TAFA5: variants seen among roughly 807,000 people sequenced by gnomAD.
TAFA5 encodes chemokine-like protein TAFA-5.
Under a neutral mutation model 15.3 loss-of-function variants are expected in TAFA5, and 6 were observed. The ratio of observed to expected loss-of-function variants is 0.39; its 90% CI spans 0.21 to 0.77. The LOEUF (loss-of-function observed/expected upper bound fraction) is 0.77, where lower values mean the gene tolerates loss of function less well. Among genes scored for constraint, TAFA5 ranks in the 30% least tolerant of loss-of-function variants. TAFA5 has a pLI of 0.41. For missense variants in TAFA5, 161 were observed against 193.1 expected (o/e 0.83, Z 0.98); for synonymous variants, 103 against 80.7 (o/e 1.28, Z -1.48).
intron 1 of TAFA5, among the ~76,000 whole-genome samples, chr22:48,496,028 G>A (rs1308154755): frequency 2.0e-5 from 3 of 152,202 alleles, no homozygotes; most frequent in African/African-American, 4.8e-5. Context: ...CCTATCGCCC[G>A]TGAAGGCCCG....
intron 2 of TAFA5, among the ~76,000 whole-genome samples, chr22:48,695,632 G>A (rs545042239): frequency 1.3e-5 from 2 of 152,326 alleles, no homozygotes; most frequent in South Asian, 4.1e-4. Flanking sequence ...GTCAGACCAA[G>A]GAACAGTCCT....
chr22:48,689,681 C>T (rs1367967998), intron 2 of TAFA5, among the ~76,000 whole-genome samples: 1 of 145,956 alleles, frequency 6.9e-6, no homozygotes, highest in Non-Finnish European at 1.5e-5. Context: ...GCCTGTCCCC[C>T]ACCCACTCAC....
chr22:48,529,363 G>A (rs1233798070), intron 1 of TAFA5, among the ~76,000 whole-genome samples: 3 of 126,516 alleles, frequency 2.4e-5, no homozygotes, highest in Non-Finnish European at 5.0e-5. Flanking sequence ...AGGGTGTCAG[G>A]CGGGAGATGG....
At chr22:48,682,960 C>T (rs559638278) in intron 2 of TAFA5, among the ~76,000 whole-genome samples, 13 of 152,334 alleles carry the variant, frequency 8.5e-5, no homozygotes, top group Middle Eastern at 6.8e-3. Context: ...TTGTCTTGAC[C>T]ACACCTAAAT....
intron 1 of TAFA5, among the ~76,000 whole-genome samples, chr22:48,539,843 A>G (rs1477700813): frequency 6.6e-6 from 1 of 152,224 alleles, no homozygotes; most frequent in Non-Finnish European, 1.5e-5. Flanking sequence ...AAGGAGCCAG[A>G]TGGGAAACTT....
chr22:48,544,880 A>G, intron 1 of TAFA5: 1 of 470,546 alleles, frequency 2.1e-6, no homozygotes, highest in Non-Finnish European at 4.4e-6. Context: ...AGTAAGCCAG[A>G]CTCGGGGCTG....
intron 1 of TAFA5, among the ~76,000 whole-genome samples, chr22:48,575,960 A>AGAG (rs927013071): frequency 7.5e-6 from 1 of 133,152 alleles, no homozygotes; most frequent in Non-Finnish European, 1.6e-5. Context: ...CGGCGGAGGA[A>AGAG]GAGGAGGAGG....
chr22:48,596,930 C>T (rs970626158), intron 1 of TAFA5, among the ~76,000 whole-genome samples: 2 of 152,218 alleles, frequency 1.3e-5, no homozygotes, highest in Admixed American at 6.5e-5. Context: ...GCTCAAGCCT[C>T]CTGAGTAGCT....
intron 2 of TAFA5, among the ~76,000 whole-genome samples, chr22:48,660,883 C>T (rs1009848541): frequency 1.1e-4 from 16 of 152,130 alleles, no homozygotes; most frequent in African/African-American, 2.9e-4. Context: ...CACCCCGATC[C>T]GTGCCTACAG....
intron 1 of TAFA5, among the ~76,000 whole-genome samples, chr22:48,507,308 T>C (rs1440791123): frequency 1.4e-5 from 2 of 143,672 alleles, no homozygotes; most frequent in Non-Finnish European, 3.0e-5. Flanking sequence ...GTTGGAGGAG[T>C]GGCCGGCCGG....
At chr22:48,592,731 A>T (rs1245293046) in intron 1 of TAFA5, among the ~76,000 whole-genome samples, 1 of 151,658 alleles carries the variant, frequency 6.6e-6, no homozygotes, top group Non-Finnish European at 1.5e-5. Flanking sequence ...TCCTGCTCAG[A>T]GGCCTGAGCC....
rs1921940607 is a variant in TAFA5 at position 48,530,673 on chromosome 22, G to A, written c.112+40969G>A. 6.6e-6 allele frequency among the ~76,000 whole-genome samples: 1 copy of A among 151,998 alleles called. No individual in the cohort carries two copies. Among genetic ancestry groups the A allele is most frequent in the Non-Finnish European group, 1.5e-5 (1 of 68,008 alleles). ...CCTCCAATGGGCTCCCGTCTTTCCT[G>A]TCCAACTGTCCATGTCACATGGGAC... On this transcript the variant is annotated intron_variant, in intron 1 of 3. Transcript: ENST00000402357. The surrounding 1 kb of genome is among the most constrained non-coding windows in gnomAD (Gnocchi z 6.0).
chr22:48,535,552 C>T (rs58407588), intron 1 of TAFA5, among the ~76,000 whole-genome samples: 381 of 152,338 alleles, frequency 2.5e-3, no homozygotes, highest in African/African-American at 8.7e-3. Context: ...CCTTTGTGTG[C>T]GCACAAGCTG....
intron 2 of TAFA5, among the ~76,000 whole-genome samples, chr22:48,685,493 T>G (rs1299595728): frequency 6.6e-6 from 1 of 152,218 alleles, no homozygotes; most frequent in Non-Finnish European, 1.5e-5. Context: ...ATGTGTCATG[T>G]GATGCTGCAC....
intron 1 of TAFA5, among the ~76,000 whole-genome samples, chr22:48,599,511 A>G (rs916878202): frequency 2.0e-5 from 3 of 152,250 alleles, no homozygotes; most frequent in African/African-American, 7.2e-5. Flanking sequence ...GATCAGACTC[A>G]GCATGGCACA....
chr22:48,579,517 C>T (rs146270678), intron 1 of TAFA5, among the ~76,000 whole-genome samples: 117 of 152,342 alleles, frequency 7.7e-4, no homozygotes, highest in African/African-American at 2.7e-3. Flanking sequence ...CGGCCGCTTC[C>T]TTAGGGTGCA....
intron 3 of TAFA5, among the ~76,000 whole-genome samples, chr22:48,745,820 G>A (rs1432817383): frequency 1.3e-5 from 2 of 152,206 alleles, no homozygotes; most frequent in Admixed American, 6.5e-5. Context: ...CCACAGGCTG[G>A]AGCTTGGTGT....
At chr22:48,627,141 G>T (rs186870632) in intron 1 of TAFA5, among the ~76,000 whole-genome samples, 12 of 152,334 alleles carry the variant, frequency 7.9e-5, no homozygotes, top group Non-Finnish European at 1.5e-4. Flanking sequence ...CTTGGCATTG[G>T]CACCACGTAT....
chr22:48,592,132 C>T lies in TAFA5; in HGVS notation c.113-54465C>T, dbSNP rs116568529. 2.9e-3 allele frequency among the ~76,000 whole-genome samples: 442 copies of T among 152,314 alleles called. 3 individuals carry two copies. Among genetic ancestry groups the T allele is most frequent in the African/African-American group, 0.01 (417 of 41,582 alleles). On this transcript the variant is annotated intron_variant, in intron 1 of 3. Coordinates refer to ENST00000402357, the MANE Select transcript of TAFA5 (RefSeq NM_001082967.3). ...CACCCTGAGGCCTGGGCCTGAGCCA[C>T]GGGTGGAGTTGCTGTTGTGGTCAGT...
Sources: gnomAD v4.1 joint callset for allele counts (sites outside exome capture counted in the v4.1 genomes callset) on GRCh38, gnomAD v4.1.1 for gene constraint, Gnocchi (gnomAD v3.1) non-coding constraint, MANE v1.5 for transcripts, NCBI Gene and HGNC (gene_info 2026-07-23, HGNC 2026-07-21) for gene names.